Variants in GNAQ observed in about 807,000 individuals in gnomAD.
The protein encoded by GNAQ is guanine nucleotide-binding protein G(q) subunit alpha.
In GNAQ, 8 loss-of-function variants were observed where a neutral mutation model predicts 43.9. That is an observed-to-expected ratio of 0.18 (90% CI 0.11 to 0.33). The LOEUF is 0.33. Among genes scored for constraint, GNAQ ranks in the 10% least tolerant of loss-of-function variants. The probability of loss-of-function intolerance (pLI) is 1.00; values close to 1 mark genes in which losing one functional copy is unlikely to be tolerated. For synonymous variants in GNAQ, 155 were observed against 170.7 expected, an observed-to-expected ratio of 0.91 and a Z score of 0.71; for missense variants, 158 against 450.8, an observed-to-expected ratio of 0.35 and a Z score of 5.88.
At chr9:77,966,721 GA>G (rs1823172328) in intron 1 of GNAQ, among the ~76,000 whole-genome samples, 2 of 152,090 alleles carry the variant, frequency 1.3e-5, no homozygotes. Context: ...TGAATTTGTG[GA>G]AAAATAATAA....
chr9:77,816,917 A>C (rs1827026620), intron 2 of GNAQ, among the ~76,000 whole-genome samples: 1 of 152,162 alleles, frequency 6.6e-6, no homozygotes, highest in African/African-American at 2.4e-5. Flanking sequence ...ATCTTGACTT[A>C]AGGTTTTAGG....
intron 2 of GNAQ, among the ~76,000 whole-genome samples, chr9:77,828,535 C>A (rs1208984245): frequency 6.6e-6 from 1 of 152,154 alleles, no homozygotes; most frequent in Non-Finnish European, 1.5e-5. Flanking sequence ...CTGTATCGTG[C>A]CTGTCACTGC....
At chr9:77,743,400 T>C (rs1448022310) in intron 5 of GNAQ, among the ~76,000 whole-genome samples, 1 of 152,148 alleles carries the variant, frequency 6.6e-6, no homozygotes, top group Non-Finnish European at 1.5e-5. Flanking sequence ...ATCCAGAGAA[T>C]GGAAATAGGT....
intron 1 of GNAQ, among the ~76,000 whole-genome samples, chr9:77,925,642 T>C (rs1028810419): frequency 4.6e-5 from 7 of 152,220 alleles, no homozygotes; most frequent in African/African-American, 1.7e-4. Context: ...CATTTTATTA[T>C]ACAAATGTTG....
At chr9:77,820,448 C>T (rs1305900754) in intron 2 of GNAQ, among the ~76,000 whole-genome samples, 2 of 152,186 alleles carry the variant, frequency 1.3e-5, no homozygotes, top group African/African-American at 4.8e-5. Flanking sequence ...ACAGCAAAGT[C>T]ATACTGAACT....
At chr9:77,842,697 G>A (rs972360955) in intron 2 of GNAQ, among the ~76,000 whole-genome samples, 1 of 152,062 alleles carries the variant, frequency 6.6e-6, no homozygotes, top group Non-Finnish European at 1.5e-5. Context: ...CTCAGTCTTG[G>A]ATGAATAGCA....
intron 2 of GNAQ, among the ~76,000 whole-genome samples, chr9:77,877,556 A>G (rs1021260126): frequency 4.6e-5 from 7 of 152,228 alleles, no homozygotes; most frequent in East Asian, 1.9e-4. Context: ...TAATAAATGT[A>G]TATCTTCCAC....
chr9:77,995,914 C>A (rs1017134374), intron 1 of GNAQ, among the ~76,000 whole-genome samples: 2 of 152,182 alleles, frequency 1.3e-5, no homozygotes, highest in African/African-American at 4.8e-5. Context: ...AAATTAAATT[C>A]TCTAGAAGTA....
Position 77,719,530 on chromosome 9 carries a change from C to G in GNAQ, c.*1793G>C, listed in dbSNP as rs1183344660. 2 of 232,494 alleles carry G rather than the reference C, an allele frequency of 8.6e-6. No homozygotes were observed. Among genetic ancestry groups the G allele is most frequent in the Non-Finnish European group, 1.7e-5 (2 of 117,704 alleles). The allele number at this position is 232,494 out of a possible 1,614,324, so 14.4% of individuals were successfully genotyped here. ...CGGCTTTGGTACTCATTTAACAGGCCGTGATTTTTCTCCCTCCCCCTTTGT... is the reference window on the plus strand; with the variant it reads ...CGGCTTTGGTACTCATTTAACAGGCGGTGATTTTTCTCCCTCCCCCTTTGT... On this transcript the variant is annotated 3_prime_UTR_variant, in exon 7 of 7. Coordinates refer to ENST00000286548, the MANE Select transcript of GNAQ (RefSeq NM_002072.5).
intron 2 of GNAQ, among the ~76,000 whole-genome samples, chr9:77,875,737 G>A (rs560837544): frequency 1.2e-4 from 18 of 152,188 alleles, no homozygotes; most frequent in Admixed American, 2.6e-4. Flanking sequence ...ATTGCTCAAA[G>A]TCAGTGACAT....
At chr9:77,837,196 G>C (rs1040301428) in intron 2 of GNAQ, among the ~76,000 whole-genome samples, 1 of 152,060 alleles carries the variant, frequency 6.6e-6, no homozygotes, top group Non-Finnish European at 1.5e-5. Flanking sequence ...TATTCATCTA[G>C]AATGATATTA....
chr9:77,900,730 T>C (rs1828594262), intron 2 of GNAQ, among the ~76,000 whole-genome samples: 2 of 152,070 alleles, frequency 1.3e-5, no homozygotes, highest in African/African-American at 4.8e-5. Flanking sequence ...TTTCCCACAA[T>C]CCTTACTCCC....
intron 1 of GNAQ, among the ~76,000 whole-genome samples, chr9:77,954,191 GT>G (rs1288239619): frequency 6.6e-6 from 1 of 152,172 alleles, no homozygotes; most frequent in African/African-American, 2.4e-5. Context: ...ATTCAGCTGA[GT>G]TTCACTGCAA....
intron 5 of GNAQ, among the ~76,000 whole-genome samples, chr9:77,781,896 T>C (rs1826399192): frequency 6.6e-6 from 1 of 152,142 alleles, no homozygotes; most frequent in Non-Finnish European, 1.5e-5. Context: ...TTAAAAAATC[T>C]ACAGCTAATA....
intron 2 of GNAQ, among the ~76,000 whole-genome samples, chr9:77,917,484 C>G (rs1156443847): frequency 6.6e-6 from 1 of 151,768 alleles, no homozygotes; most frequent in Non-Finnish European, 1.5e-5. Flanking sequence ...TATAAACAAA[C>G]CTGCACATGT....
At chr9:77,809,665 G>A (rs916373420) in intron 3 of GNAQ, among the ~76,000 whole-genome samples, 2 of 152,196 alleles carry the variant, frequency 1.3e-5, no homozygotes, top group Non-Finnish European at 2.9e-5. Context: ...AATTGCAAAT[G>A]TATCCACAAC....
chr9:78,030,886 G>A (rs1331958885), intron 1 of GNAQ, among the ~76,000 whole-genome samples: 2 of 115,646 alleles, frequency 1.7e-5, no homozygotes, highest in African/African-American at 8.0e-5. Context: ...TGTGTGTGTC[G>A]CTGTGTGTGT....
At chr9:77,731,803 G>T (rs1232568664) in intron 5 of GNAQ, among the ~76,000 whole-genome samples, 1 of 152,318 alleles carries the variant, frequency 6.6e-6, no homozygotes, top group East Asian at 1.9e-4. Flanking sequence ...GGACAACAAG[G>T]GAGGTGATGC....
intron 2 of GNAQ, among the ~76,000 whole-genome samples, chr9:77,816,135 C>A (rs866373537): frequency 6.6e-6 from 1 of 152,242 alleles, no homozygotes; most frequent in South Asian, 2.1e-4. Context: ...GAGTAATTAT[C>A]CCCTCTATGT....
Sources: allele counts gnomAD v4.1 joint callset (sites outside exome capture counted in the v4.1 genomes callset), GRCh38; gene constraint gnomAD v4.1.1; transcripts MANE v1.5; gene names NCBI Gene and HGNC (gene_info 2026-07-23, HGNC 2026-07-21).